The following WHR1 variants were observed in gnomAD, a reference collection of about 807,000 sequenced individuals.
WHR1 encodes the protein MHC class III HLA-RP1.
At chr6:31,978,903 A>G in the WHR1 span, 1 of 1,612,696 alleles carries the variant, frequency 6.2e-7, no homozygotes, top group South Asian at 1.1e-5. Flanking sequence ...GTGGAGACAG[A>G]AGGAGCTTCA....
At chr6:31,971,893 G>A in the WHR1 span, 2 of 1,501,736 alleles carry the variant, frequency 1.3e-6, no homozygotes, top group Non-Finnish European at 1.8e-6. The surrounding 1 kb of genome is among the most constrained non-coding windows in gnomAD (Gnocchi z 4.5). Flanking sequence ...GTGAGGTTAG[G>A]AAGGACGTCT....
the WHR1 span, among the ~76,000 whole-genome samples, chr6:31,975,341 A>G: frequency 5.3e-5 from 8 of 151,834 alleles, no homozygotes; most frequent in African/African-American, 1.9e-4. Context: ...AGCTGAGACT[A>G]CAGGCACGCG....
chr6:31,981,256 G>A, the WHR1 span: 1 of 109,830 alleles, frequency 9.1e-6, no homozygotes, highest in Non-Finnish European at 1.5e-5. Flanking sequence ...ATGCTTCTCT[G>A]CCCTTCCATG....
At chr6:31,976,025 C>T in the WHR1 span, among the ~76,000 whole-genome samples, 205 of 147,840 alleles carry the variant, frequency 1.4e-3, 2 homozygotes, top group Non-Finnish European at 1.9e-3. Context: ...GGCGGCTGGC[C>T]GGGCGGGGGG....
At chr6:31,974,917 C>T in the WHR1 span, among the ~76,000 whole-genome samples, 8 of 152,226 alleles carry the variant, frequency 5.3e-5, no homozygotes, top group African/African-American at 1.2e-4. Context: ...CTAGGTCTCC[C>T]GTGAGGAAGC....
chr6:31,975,190 C>T, the WHR1 span, among the ~76,000 whole-genome samples: 1 of 150,142 alleles, frequency 6.7e-6, no homozygotes, highest in Non-Finnish European at 1.5e-5. Context: ...TCATTGTTGC[C>T]TTAGTTTTCC....
chr6:31,977,030 C>G, the WHR1 span, among the ~76,000 whole-genome samples: 1 of 152,176 alleles, frequency 6.6e-6, no homozygotes, highest in African/African-American at 2.4e-5. Flanking sequence ...AGAGGGAGAC[C>G]GTGGAAAGGA....
chr6:31,972,797 A>G, the WHR1 span: 26 of 1,604,676 alleles, frequency 1.6e-5, no homozygotes, highest in East Asian at 4.5e-4. The surrounding 1 kb of genome is among the most constrained non-coding windows in gnomAD (Gnocchi z 6.3). Context: ...CCCCTTTCCT[A>G]ACTCCTGGAA....
chr6:31,979,564 T>A, the WHR1 span: 2 of 1,612,478 alleles, frequency 1.2e-6, no homozygotes, highest in Non-Finnish European at 1.7e-6. Context: ...GTGAGACTTG[T>A]GGAACCAACC....
chr6:31,976,672 C>CT, the WHR1 span, among the ~76,000 whole-genome samples: 6 of 152,358 alleles, frequency 3.9e-5, no homozygotes, highest in Admixed American at 6.5e-5. Context: ...ACTCTGGGCA[C>CT]TTTGGGAGGC....
At chr6:31,972,704 A>G in the WHR1 span, 1 of 1,613,778 alleles carries the variant, frequency 6.2e-7, no homozygotes, top group Non-Finnish European at 8.5e-7. The surrounding 1 kb of genome is among the most constrained non-coding windows in gnomAD (Gnocchi z 6.3). Flanking sequence ...CATCGTGCTG[A>G]GGAGCCAGGT....
chr6:31,979,020 G>C, the WHR1 span: 3 of 1,609,464 alleles, frequency 1.9e-6, no homozygotes, highest in Admixed American at 5.0e-5. Flanking sequence ...TGTGCGTCAG[G>C]GGTGCTGGGG....
chr6:31,978,462 T>A, the WHR1 span, among the ~76,000 whole-genome samples: 1 of 152,246 alleles, frequency 6.6e-6, no homozygotes, highest in African/African-American at 2.4e-5. Context: ...ATAACATTTT[T>A]ATCCAGGATT....
At chr6:31,972,306 G>A in the WHR1 span, 2 of 1,613,148 alleles carry the variant, frequency 1.2e-6, no homozygotes, top group Non-Finnish European at 1.7e-6. The surrounding 1 kb of genome is among the most constrained non-coding windows in gnomAD (Gnocchi z 6.3). Flanking sequence ...GTCTAGGAGG[G>A]ACGCCCGGGG....
At chr6:31,971,434 T>G in the WHR1 span, 4 of 1,611,396 alleles carry the variant, frequency 2.5e-6, no homozygotes, top group Non-Finnish European at 2.5e-6. The surrounding 1 kb of genome is among the most constrained non-coding windows in gnomAD (Gnocchi z 4.5). Flanking sequence ...GAGGTCAAAG[T>G]TGGGGCCTGG....
At chr6:31,972,927 A>T in the WHR1 span, 3 of 1,117,594 alleles carry the variant, frequency 2.7e-6, no homozygotes, top group African/African-American at 1.5e-5. The surrounding 1 kb of genome is among the most constrained non-coding windows in gnomAD (Gnocchi z 6.3). Context: ...CAGGTAGTAC[A>T]GGGCATTTCA....
At chr6:31,976,251 C>T in the WHR1 span, among the ~76,000 whole-genome samples, 5 of 149,290 alleles carry the variant, frequency 3.3e-5, no homozygotes, top group Non-Finnish European at 6.0e-5. Context: ...GGTGGCTGGC[C>T]GGGCAGGGGG....
the WHR1 span, chr6:31,971,370 C>G: frequency 7.6e-6 from 12 of 1,569,112 alleles, no homozygotes; most frequent in African/African-American, 2.7e-5. This position sits in a 1 kb window ranked among gnomAD's most constrained non-coding sequence, Gnocchi z 4.5. Flanking sequence ...GGTGGTCCAG[C>G]CTTTCCTGGA....
chr6:31,980,499 G>C, the WHR1 span: 1 of 1,613,138 alleles, frequency 6.2e-7, no homozygotes, highest in Non-Finnish European at 8.5e-7. Context: ...CTGGGAGCTG[G>C]TGGCTAGCTG....
Sources: gnomAD v4.1 joint callset for allele counts (sites outside exome capture counted in the v4.1 genomes callset) on GRCh38, gnomAD v4.1.1 for gene constraint, Gnocchi (gnomAD v3.1) non-coding constraint, MANE v1.5 for transcripts, NCBI Gene and HGNC (gene_info 2026-07-23, HGNC 2026-07-21) for gene names.